HMGA2: variants seen among roughly 807,000 people sequenced by gnomAD.
HMGA2 encodes the protein high mobility group protein HMGI-C.
HMGA2 carries 8 observed loss-of-function variants against 19.1 expected under a neutral mutation model. That is an observed-to-expected ratio of 0.42 (90% confidence interval 0.25 to 0.76). The LOEUF is 0.76. Ranked by LOEUF, HMGA2 falls within the 30% of genes least tolerant of loss-of-function variation. The probability of loss-of-function intolerance (pLI) is 0.28; values close to 1 mark genes in which losing one functional copy is unlikely to be tolerated. For synonymous variants in HMGA2, 60 were observed against 48.8 expected (o/e 1.23, Z -0.96); for missense variants, 109 against 136.3 (o/e 0.80, Z 1.00).
Position 65,868,961 on chromosome 12 carries a change from G to A in HMGA2, c.249+30392G>A, listed in dbSNP as rs149923669. Among the ~76,000 whole-genome samples, 435 of 152,264 alleles carry A rather than the reference G, an allele frequency of 2.9e-3. 4 individuals carry two copies. The highest frequency in any genetic ancestry group is 9.8e-3 in the African/African-American group (406 of 41,562). ...TGCTGTCCCAAACTGCCAATGCATT[G>A]CGTAGAACTGAGGTTAGCAGGTTAC... On this transcript the variant is annotated intron_variant, in intron 3 of 4. Coordinates refer to ENST00000403681, the MANE Select transcript of HMGA2 (RefSeq NM_003483.6).
intron 3 of HMGA2, among the ~76,000 whole-genome samples, chr12:65,882,691 T>G (rs1411814150): frequency 1.3e-5 from 2 of 152,172 alleles, no homozygotes; most frequent in African/African-American, 4.8e-5. Flanking sequence ...GTTGTGACAA[T>G]TAAATGAGAA....
intron 3 of HMGA2, among the ~76,000 whole-genome samples, chr12:65,861,847 T>G (rs1186211057): frequency 7.4e-6 from 1 of 135,722 alleles, no homozygotes; most frequent in Non-Finnish European, 1.6e-5. Context: ...AACATGTTTC[T>G]TTTTTTTTTT....
chr12:65,903,577 G>C (rs190068985), intron 3 of HMGA2, among the ~76,000 whole-genome samples: 2 of 152,302 alleles, frequency 1.3e-5, no homozygotes, highest in African/African-American at 4.8e-5. Flanking sequence ...TGGTAAACAG[G>C]AGCCACTGTG....
intron 3 of HMGA2, among the ~76,000 whole-genome samples, chr12:65,946,212 A>G (rs1053580687): frequency 1.3e-5 from 2 of 152,180 alleles, no homozygotes; most frequent in Non-Finnish European, 2.9e-5. Context: ...ATGGAAAACA[A>G]TCTACATGAA....
intron 3 of HMGA2, chr12:65,858,324 T>C (rs1405166448): frequency 1.3e-5 from 2 of 152,006 alleles, no homozygotes; most frequent in Admixed American, 6.6e-5. Context: ...TCTCTCTACC[T>C]TTCTCATTTA....
chr12:65,863,771 C>A (rs182175793), intron 3 of HMGA2, among the ~76,000 whole-genome samples: 1 of 152,276 alleles, frequency 6.6e-6, no homozygotes, highest in East Asian at 1.9e-4. Flanking sequence ...GAAGTCGCAA[C>A]CCTCACCCCA....
chr12:65,938,485 C>G (rs1463414723), intron 3 of HMGA2, among the ~76,000 whole-genome samples: 1 of 152,100 alleles, frequency 6.6e-6, no homozygotes, highest in Non-Finnish European at 1.5e-5. Flanking sequence ...GCAGGAAATA[C>G]AGGGAGATCA....
chr12:65,906,225 T>C (rs547158940), intron 3 of HMGA2, among the ~76,000 whole-genome samples: 1 of 152,164 alleles, frequency 6.6e-6, no homozygotes, highest in African/African-American at 2.4e-5. Flanking sequence ...GCTAAACTCA[T>C]GTCGGGAAGT....
chr12:65,962,779 A>T (rs904243107), intron 4 of HMGA2, among the ~76,000 whole-genome samples: 1 of 152,082 alleles, frequency 6.6e-6, no homozygotes, highest in African/African-American at 2.4e-5. Context: ...TCTGGTAAGC[A>T]CTCTAAAAAT....
chr12:65,897,209 G>C (rs550715517), intron 3 of HMGA2, among the ~76,000 whole-genome samples: 1 of 152,240 alleles, frequency 6.6e-6, no homozygotes, highest in East Asian at 1.9e-4. Context: ...ATCACCTCAA[G>C]CATTTATCCT....
At position 65,827,994 on chromosome 12, in the gene HMGA2, CAA is replaced by C. The variant is rs1870294203; in HGVS notation, c.112-6_112-5del. ...CACAACAGCATTTTTTTTTCCCTCA[CAA>C]TTAGGAACCAACCGGTGAGCCCTCT... On this transcript the variant is annotated splice_region_variant and splice_polypyrimidine_tract_variant and intron_variant, in intron 1 of 4. Transcript: ENST00000403681. 1 of 1,605,674 alleles carries C rather than the reference CAA, an allele frequency of 6.2e-7. No individual in the cohort carries two copies. Among genetic ancestry groups the C allele is most frequent in the Admixed American group, 1.7e-5 (1 of 59,948 alleles).
intron 3 of HMGA2, 34 bp downstream of exon 3, chr12:65,838,603 T>TG (rs3834468): frequency 0.081 from 120,895 of 1,498,514 alleles, 5,236 homozygotes; most frequent in Middle Eastern, 0.15. Context: ...CTTCTTTTTT[T>TG]TAAAGAAAAA....
chr12:65,865,030 C>T (rs1371183620), intron 3 of HMGA2, among the ~76,000 whole-genome samples: 1 of 152,180 alleles, frequency 6.6e-6, no homozygotes, highest in African/African-American at 2.4e-5. Context: ...TCCTCATCCT[C>T]AGCCTCCTCA....
At chr12:65,882,046 T>A in intron 3 of HMGA2, 1 of 631,980 alleles carries the variant, frequency 1.6e-6, no homozygotes, top group Admixed American at 2.2e-5. Flanking sequence ...CCCAGTTGTC[T>A]ATCACCAAAG....
At chr12:65,944,539 G>A (rs988013466) in intron 3 of HMGA2, among the ~76,000 whole-genome samples, 1 of 152,196 alleles carries the variant, frequency 6.6e-6, no homozygotes, top group Non-Finnish European at 1.5e-5. Context: ...GATCCAGGCT[G>A]GAGAGGAGTG....
chr12:65,957,311 C>T (rs1876631910), intron 4 of HMGA2: 1 of 152,224 alleles, frequency 6.6e-6, no homozygotes, highest in East Asian at 1.9e-4. Context: ...AAAATAAGAA[C>T]ATTCCACAAC....
intron 3 of HMGA2, among the ~76,000 whole-genome samples, chr12:65,893,999 G>A (rs961982226): frequency 3.3e-5 from 5 of 152,160 alleles, no homozygotes; most frequent in Non-Finnish European, 7.3e-5. Context: ...GATACATAGA[G>A]GGGAGTAAAA....
chr12:65,941,423 A>G (rs887706291), intron 3 of HMGA2, among the ~76,000 whole-genome samples: 12 of 152,188 alleles, frequency 7.9e-5, no homozygotes, highest in Admixed American at 7.9e-4. Context: ...ATATAAGCTA[A>G]TGTTCGGGAA....
chr12:65,946,545 A>G (rs549930607), intron 3 of HMGA2, among the ~76,000 whole-genome samples: 2 of 152,186 alleles, frequency 1.3e-5, no homozygotes, highest in Non-Finnish European at 1.5e-5. Context: ...GCCTCTTTTT[A>G]TTTAATGTTT....
Sources: allele counts gnomAD v4.1 joint callset (sites outside exome capture counted in the v4.1 genomes callset), GRCh38; gene constraint gnomAD v4.1.1; transcripts MANE v1.5; gene names NCBI Gene and HGNC (gene_info 2026-07-23, HGNC 2026-07-21).